The following RBM38 variants were observed in gnomAD, a reference collection of about 807,000 sequenced individuals.
RBM38 encodes RNA binding motif protein 38.
A neutral mutation model predicts 23.5 loss-of-function variants in RBM38; 11 were observed. The observed-to-expected ratio is 0.47, with a 90% CI of 0.29 to 0.77. The LOEUF (loss-of-function observed/expected upper bound fraction) is 0.77, where lower values mean the gene tolerates loss of function less well. RBM38 is among the 30% of genes least tolerant of loss of function. The pLI, the probability that RBM38 is intolerant of heterozygous loss-of-function variation, is 0.08. For synonymous variants in RBM38, 165 were observed against 166.1 expected (o/e 0.99, Z 0.05); for missense variants, 330 against 351.9 (o/e 0.94, Z 0.50).
In RBM38 at chr20:57,408,075, A is replaced by G; in HGVS notation, c.*229A>G. 1 of 602,340 alleles carries G rather than the reference A, an allele frequency of 1.7e-6. No individual in the cohort carries two copies. The highest frequency in any genetic ancestry group is 2.0e-5 in the South Asian group (1 of 49,856). The allele number at this position is 602,340 out of a possible 1,614,324, so 37.3% of individuals were successfully genotyped here. ...TGAGGGAGGACTTTAAGAATGACTGAGAACTATTTAAAGACGCAATCCCAG... is the reference window on the plus strand; with the variant it reads ...TGAGGGAGGACTTTAAGAATGACTGGGAACTATTTAAAGACGCAATCCCAG... On this transcript the variant is annotated 3_prime_UTR_variant, in exon 4 of 4. Transcript: ENST00000356208.
At chr20:57,406,775 T>C (rs1333208542) in intron 3 of RBM38, among the ~76,000 whole-genome samples, 2 of 151,878 alleles carry the variant, frequency 1.3e-5, no homozygotes, top group Non-Finnish European at 2.9e-5. Context: ...GGGCGGATCA[T>C]GAGGTCAGGA....
intron 3 of RBM38, among the ~76,000 whole-genome samples, chr20:57,406,534 G>A (rs2067385344): frequency 6.6e-6 from 1 of 152,196 alleles, no homozygotes; most frequent in Non-Finnish European, 1.5e-5. Context: ...CCCAGTCACA[G>A]TACGGGTCTC....
At chr20:57,398,358 G>A (rs1015350906) in intron 3 of RBM38, among the ~76,000 whole-genome samples, 2 of 152,200 alleles carry the variant, frequency 1.3e-5, no homozygotes, top group Non-Finnish European at 2.9e-5. Context: ...CTGGGGAAGA[G>A]CGAGCAGCCC....
At chr20:57,394,516 G>GGGGCCC (rs2146203456) in intron 3 of RBM38, among the ~76,000 whole-genome samples, 1 of 152,282 alleles carries the variant, frequency 6.6e-6, no homozygotes, top group Admixed American at 6.5e-5. Flanking sequence ...GAGGGTGGCC[G>GGGGCCC]GGGCCCTTCT....
chr20:57,396,341 G>A (rs1281712676), intron 3 of RBM38, among the ~76,000 whole-genome samples: 1 of 152,238 alleles, frequency 6.6e-6, no homozygotes, highest in African/African-American at 2.4e-5. Context: ...AAGGGTGTCT[G>A]CCAGCTGAGT....
chr20:57,395,007 C>A (rs763591846), intron 3 of RBM38, among the ~76,000 whole-genome samples: 1 of 152,232 alleles, frequency 6.6e-6, no homozygotes, highest in Non-Finnish European at 1.5e-5. Flanking sequence ...CTGACTTTGC[C>A]CCTTACCAGC....
In RBM38 at chr20:57,391,575, G is replaced by C; in HGVS notation, c.-7G>C. On this transcript the variant is annotated 5_prime_UTR_variant, in exon 1 of 4. Coordinates refer to ENST00000356208, the MANE Select transcript of RBM38 (RefSeq NM_017495.6). ...GGCCCGGGTCCGTAGGCGGCGGGGC[G>C]CCCCCCATGCTGCTGCAGCCCGCGC... is the stretch of plus-strand genomic sequence containing the variant. The C allele has an allele frequency of 3.5e-6, 4 of 1,148,028 alleles. No homozygotes were observed. Among genetic ancestry groups the C allele is most frequent in the Non-Finnish European group, 4.3e-6 (4 of 924,714 alleles). The allele number at this position is 1,148,028 out of a possible 1,614,324, so 71.1% of individuals were successfully genotyped here. A position where few individuals can be genotyped will look rare whatever the true frequency, so the allele number is the denominator to read the frequency against.
chr20:57,392,514 G>A, intron 1 of RBM38, 140 bp from the exon 2 acceptor site: 3 of 1,525,784 alleles, frequency 2.0e-6, no homozygotes, highest in Non-Finnish European at 2.6e-6. Context: ...AGGAGCTTTG[G>A]CTCAAGGACC....
At position 57,408,151 on chromosome 20, in the gene RBM38, A is replaced by C; in HGVS notation, c.*305A>C. 2 of 467,712 alleles carry C rather than the reference A, an allele frequency of 4.3e-6. No individual in the cohort carries two copies. The highest frequency in any genetic ancestry group is 4.3e-5 in the South Asian group (2 of 45,982). The allele number at this position is 467,712 out of a possible 1,614,324, so 29.0% of individuals were successfully genotyped here. Reference sequence around the variant, plus strand: ...TCCTTGCACCTTCTCCTGCCTCTCCACACTCCAGGTTCCCTCAGGCTTGTG... The same window carrying C: ...TCCTTGCACCTTCTCCTGCCTCTCCCCACTCCAGGTTCCCTCAGGCTTGTG... On this transcript the variant is annotated 3_prime_UTR_variant, in exon 4 of 4. Transcript: ENST00000356208.
intron 3 of RBM38, among the ~76,000 whole-genome samples, chr20:57,394,159 G>T (rs1403303203): frequency 1.3e-5 from 2 of 152,214 alleles, no homozygotes; most frequent in Non-Finnish European, 2.9e-5. Flanking sequence ...GGCACTTCAT[G>T]AACTTTCTGA....
chr20:57,395,684 G>A (rs766491737), intron 3 of RBM38, among the ~76,000 whole-genome samples: 4 of 152,180 alleles, frequency 2.6e-5, no homozygotes, highest in Admixed American at 6.5e-5. Context: ...GGAGGCTCCC[G>A]GGTGCAGCTC....
intron 3 of RBM38, among the ~76,000 whole-genome samples, chr20:57,395,167 A>G (rs1453718653): frequency 6.6e-6 from 1 of 152,210 alleles, no homozygotes; most frequent in Non-Finnish European, 1.5e-5. Context: ...GACTGAAACC[A>G]TTCTTACTTT....
intron 3 of RBM38, among the ~76,000 whole-genome samples, chr20:57,398,553 G>GCC (rs144145414): frequency 5.3e-5 from 8 of 152,186 alleles, no homozygotes; most frequent in East Asian, 1.9e-4. Flanking sequence ...CCGCCCCCCT[G>GCC]CCCCCCCACA....
At chr20:57,406,111 G>C (rs1303043665) in intron 3 of RBM38, among the ~76,000 whole-genome samples, 1 of 152,224 alleles carries the variant, frequency 6.6e-6, no homozygotes, top group Non-Finnish European at 1.5e-5. Flanking sequence ...CCAGGGCACA[G>C]TGCCGTGCCC....
chr20:57,396,257 C>T (rs1304742014), intron 3 of RBM38, among the ~76,000 whole-genome samples: 1 of 152,200 alleles, frequency 6.6e-6, no homozygotes, highest in Non-Finnish European at 1.5e-5. Context: ...CCACTGTCCG[C>T]GGTTTGGAGG....
At chr20:57,395,959 A>T (rs1333592909) in intron 3 of RBM38, among the ~76,000 whole-genome samples, 1 of 152,208 alleles carries the variant, frequency 6.6e-6, no homozygotes, top group Admixed American at 6.5e-5. Context: ...GTTGTCCACC[A>T]GTTAACCCCT....
intron 3 of RBM38, among the ~76,000 whole-genome samples, chr20:57,394,091 A>T (rs916982746): frequency 2.6e-5 from 4 of 152,112 alleles, no homozygotes; most frequent in Non-Finnish European, 5.9e-5. Flanking sequence ...TGGCATATTG[A>T]TGGGGTTGGA....
At chr20:57,397,504 C>T (rs191108071) in intron 3 of RBM38, among the ~76,000 whole-genome samples, 38 of 152,354 alleles carry the variant, frequency 2.5e-4, no homozygotes, top group Middle Eastern at 3.4e-3. Flanking sequence ...GTTTCAGGGA[C>T]CCCTACGTCC....
chr20:57,405,272 G>C (rs1200892807), intron 3 of RBM38, among the ~76,000 whole-genome samples: 1 of 152,244 alleles, frequency 6.6e-6, no homozygotes, highest in African/African-American at 2.4e-5. Context: ...GAGGGCAGGG[G>C]CTCTGTGGTC....
Sources: allele counts gnomAD v4.1 joint callset (sites outside exome capture counted in the v4.1 genomes callset), GRCh38; gene constraint gnomAD v4.1.1; transcripts MANE v1.5; gene names NCBI Gene and HGNC (gene_info 2026-07-23, HGNC 2026-07-21).